The following DLGAP2 variants were observed in gnomAD, a reference collection of about 807,000 sequenced individuals.
DLGAP2 encodes the protein disks large-associated protein 2.
DLGAP2 carries 26 observed loss-of-function variants against 100.3 expected under a neutral mutation model. The ratio of observed to expected loss-of-function variants is 0.26; its 90% CI spans 0.19 to 0.36. The LOEUF (loss-of-function observed/expected upper bound fraction) is 0.36. Ranked by LOEUF, DLGAP2 falls within the 10% of genes least tolerant of loss-of-function variation. DLGAP2 has a pLI of 1.00. For synonymous variants in DLGAP2, 886 were observed against 630.1 expected (o/e 1.41, Z -6.08); for missense variants, 1,858 against 1,453.2 (o/e 1.28, Z -4.53).
intron 12 of DLGAP2, among the ~76,000 whole-genome samples, chr8:1,684,335 C>T (rs4270994): frequency 6.6e-6 from 1 of 151,872 alleles, no homozygotes; most frequent in Admixed American, 6.6e-5. Flanking sequence ...ATAAAACTAG[C>T]ACAATATTCA....
At chr8:1,380,832 C>G (rs143377697) in intron 3 of DLGAP2, among the ~76,000 whole-genome samples, 1 of 145,752 alleles carries the variant, frequency 6.9e-6, no homozygotes, top group African/African-American at 2.5e-5. Flanking sequence ...TCCATGGAGA[C>G]TAAAAGTTTA....
chr8:1,288,430 AGT>A lies in DLGAP2; in HGVS notation c.106+29567_106+29568del, dbSNP rs1239357278. ...TTAGGAGGGGAACTTGTTTTGGTTCAGTGTGTGTGTGTGTGTGTGTGGTTCTG... is the reference window on the plus strand; with the variant it reads ...TTAGGAGGGGAACTTGTTTTGGTTCAGTGTGTGTGTGTGTGTGTGGTTCTG... On this transcript the variant is annotated intron_variant, in intron 3 of 14. Coordinates refer to ENST00000637795, the MANE Select transcript of DLGAP2 (RefSeq NM_001346810.2). Among the ~76,000 whole-genome samples the A allele has an allele frequency of 1.3e-3, 139 of 105,502 alleles. 1 individual carries two copies. The East Asian group carries it at 0.014, about 11-fold the overall frequency. The allele number at this position is 105,502 out of a possible 152,430, so 69.2% of individuals were successfully genotyped here.
intron 2 of DLGAP2, among the ~76,000 whole-genome samples, chr8:1,209,212 G>C (rs1018996589): frequency 2.0e-5 from 3 of 152,048 alleles, no homozygotes; most frequent in Admixed American, 2.0e-4. Flanking sequence ...TAAGCAAAAA[G>C]AACGAATCTG....
intron 2 of DLGAP2, among the ~76,000 whole-genome samples, chr8:1,244,713 C>T (rs1290108276): frequency 1.3e-5 from 2 of 152,136 alleles, no homozygotes; most frequent in African/African-American, 2.4e-5. Context: ...TTAGATTAAG[C>T]AGTGGTTTCT....
At chr8:1,009,116 A>C (rs1488262103) in intron 2 of DLGAP2, among the ~76,000 whole-genome samples, 1 of 152,172 alleles carries the variant, frequency 6.6e-6, no homozygotes, top group Non-Finnish European at 1.5e-5. Context: ...ACCCTCTTCC[A>C]TGTGGCCGAG....
intron 5 of DLGAP2, among the ~76,000 whole-genome samples, chr8:1,557,578 G>A (rs1467768298): frequency 6.6e-6 from 1 of 152,082 alleles, no homozygotes; most frequent in Non-Finnish European, 1.5e-5. Context: ...CGCCAGCCTG[G>A]GTGGTGCGTG....
chr8:796,412 G>A (rs946269007), intron 1 of DLGAP2, among the ~76,000 whole-genome samples: 5 of 151,880 alleles, frequency 3.3e-5, no homozygotes, highest in East Asian at 1.9e-4. Context: ...ATTTCCCTGC[G>A]ACTGCCTGGA....
At chr8:839,997 C>G (rs535429148) in intron 1 of DLGAP2, among the ~76,000 whole-genome samples, 3 of 149,944 alleles carry the variant, frequency 2.0e-5, no homozygotes, top group Admixed American at 1.3e-4. Context: ...CGGTGCACGC[C>G]TGCACGTCTC....
At chr8:1,694,743 G>A (rs890596792) in intron 13 of DLGAP2, among the ~76,000 whole-genome samples, 22 of 152,274 alleles carry the variant, frequency 1.4e-4, no homozygotes, top group African/African-American at 4.8e-4. Context: ...TCCAATGGAC[G>A]CCGGATGCCA....
chr8:1,119,702 C>A (rs1019157429), intron 2 of DLGAP2, among the ~76,000 whole-genome samples: 4 of 152,176 alleles, frequency 2.6e-5, no homozygotes, highest in Non-Finnish European at 5.9e-5. Context: ...ATTTAAGTAT[C>A]CCCAGGGACT....
At chr8:1,129,613 G>C (rs1179301810) in intron 2 of DLGAP2, among the ~76,000 whole-genome samples, 1 of 152,188 alleles carries the variant, frequency 6.6e-6, no homozygotes, top group African/African-American at 2.4e-5. Context: ...GAGTTTGCCA[G>C]TGTTGCCTCG....
intron 2 of DLGAP2, among the ~76,000 whole-genome samples, chr8:1,154,653 C>G (rs564510808): frequency 2.6e-5 from 4 of 152,178 alleles, no homozygotes; most frequent in Non-Finnish European, 5.9e-5. Context: ...GCCAGTTACA[C>G]TGCCACGGAA....
intron 4 of DLGAP2, among the ~76,000 whole-genome samples, chr8:1,507,871 AG>A (rs1206631619): frequency 7.7e-6 from 1 of 130,168 alleles, no homozygotes; most frequent in Non-Finnish European, 1.5e-5. Context: ...TGGGAGGTTC[AG>A]GCTTCAGCCT....
At chr8:872,833 C>T (rs1797623955) in intron 1 of DLGAP2, among the ~76,000 whole-genome samples, 1 of 152,182 alleles carries the variant, frequency 6.6e-6, no homozygotes, top group Admixed American at 6.5e-5. Flanking sequence ...TCCACCCCTG[C>T]CTCCTGTATC....
At chr8:1,254,134 G>C (rs533520824) in intron 2 of DLGAP2, among the ~76,000 whole-genome samples, 1 of 152,310 alleles carries the variant, frequency 6.6e-6, no homozygotes, top group East Asian at 1.9e-4. Context: ...GTGCCTGTGG[G>C]CTCAGCGCTG....
chr8:1,027,217 C>G (rs1801824988), intron 2 of DLGAP2, among the ~76,000 whole-genome samples: 1 of 152,182 alleles, frequency 6.6e-6, no homozygotes, highest in Non-Finnish European at 1.5e-5. Context: ...AGGATTATAA[C>G]AAAGTTAGCA....
chr8:1,265,782 G>C (rs1322838391), intron 3 of DLGAP2, among the ~76,000 whole-genome samples: 4 of 152,262 alleles, frequency 2.6e-5, no homozygotes, highest in African/African-American at 7.2e-5. Flanking sequence ...TAATGTCTAA[G>C]AATTTCTGAG....
chr8:1,278,478 C>A (rs1447605001), intron 3 of DLGAP2, among the ~76,000 whole-genome samples: 1 of 152,114 alleles, frequency 6.6e-6, no homozygotes, highest in Non-Finnish European at 1.5e-5. Flanking sequence ...AATCCTTATG[C>A]TAACTTAAAA....
intron 1 of DLGAP2, among the ~76,000 whole-genome samples, chr8:758,976 A>G (rs1276475960): frequency 6.0e-4 from 79 of 131,616 alleles, no homozygotes; most frequent in Middle Eastern, 8.2e-3. Flanking sequence ...AACCCCCACA[A>G]CCTTCCCATT....
Sources: gnomAD v4.1 joint callset for allele counts (sites outside exome capture counted in the v4.1 genomes callset) on GRCh38, gnomAD v4.1.1 for gene constraint, MANE v1.5 for transcripts, NCBI Gene and HGNC (gene_info 2026-07-23, HGNC 2026-07-21) for gene names.